Variants in EXOC5 observed in about 807,000 individuals in gnomAD.
The protein encoded by EXOC5 is SEC10-like 1.
Under a neutral mutation model 90.8 loss-of-function variants are expected in EXOC5, and 17 were observed. The observed-to-expected ratio is 0.19, with a 90% confidence interval of 0.13 to 0.28. EXOC5 has a LOEUF of 0.28. Among genes scored for constraint, EXOC5 ranks in the 10% least tolerant of loss-of-function variants. EXOC5 has a pLI of 1.00. For missense variants in EXOC5, 569 were observed against 830.6 expected (o/e 0.69, Z 3.87); for synonymous variants, 260 against 270.0 (o/e 0.96, Z 0.36).
intron 1 of EXOC5, among the ~76,000 whole-genome samples, chr14:57,265,564 A>C (rs1884646974): frequency 6.6e-6 from 1 of 152,136 alleles, no homozygotes; most frequent in African/African-American, 2.4e-5. Context: ...TTCTGCAAAA[A>C]ATTTTTAAAA....
At chr14:57,226,939 A>AATC (rs1883325180) in intron 12 of EXOC5, among the ~76,000 whole-genome samples, 1 of 152,122 alleles carries the variant, frequency 6.6e-6, no homozygotes, top group African/African-American at 2.4e-5. Flanking sequence ...ATGACACCAA[A>AATC]ATCACCATCC....
chr14:57,252,593 C>A (rs1400618661), intron 1 of EXOC5, among the ~76,000 whole-genome samples: 1 of 152,108 alleles, frequency 6.6e-6, no homozygotes, highest in Non-Finnish European at 1.5e-5. Context: ...AAGGTATCAC[C>A]TCACACCTAT....
Position 57,231,518 on chromosome 14 carries a change from A to G in EXOC5, c.1136T>C (p.Ile379Thr). 3.1e-6 allele frequency: 5 copies of G among 1,608,922 alleles called. No homozygotes were observed. The highest frequency in any genetic ancestry group is 4.2e-6 in the Non-Finnish European group (5 of 1,178,518). The change falls in exon 11 of 18, where the codon ATT (isoleucine) becomes ACT (threonine). Residue 379 changes from isoleucine (I) to threonine (T), a missense_variant. By Grantham distance (89) the Ile-to-Thr change is moderately conservative (BLOSUM62 -1). Around this residue, in one of 9 missense-constraint regions of EXOC5, gnomAD observed 69 missense variants for 115.5 expected, o/e 0.60. Transcript: ENST00000621441. ...CAAAAATACTCACCCTCCTGTGCCA[A>G]TGGATCTCTTTTGATGGTTTTTCGA... is the stretch of plus-strand genomic sequence containing the variant. ...YDSKNHQKRS[I>T]GTGGIQDLKE...
At chr14:57,263,739 T>TAAAAAAAAAAAAAAAAA (rs550651836) in intron 1 of EXOC5, among the ~76,000 whole-genome samples, 1 of 39,354 alleles carries the variant, frequency 2.5e-5, no homozygotes, top group Admixed American at 2.8e-4. Flanking sequence ...CACTCCAGCC[T>TAAAAAAAAAAAAAAAAA]AAAAAAAAAA....
Position 57,227,947 on chromosome 14 carries a change from C to T in EXOC5, c.1296+1787G>A, listed in dbSNP as rs58463651. Among the ~76,000 whole-genome samples, 195 of 89,530 alleles carry T rather than the reference C, an allele frequency of 2.2e-3. No individual in the cohort carries two copies. In the African/African-American group the frequency reaches 0.022, roughly 10 times the overall value. 58.7% of individuals were successfully genotyped at this position (89,530 alleles called of 152,430 possible). On this transcript the variant is annotated intron_variant, in intron 12 of 17. Coordinates refer to ENST00000621441, the MANE Select transcript of EXOC5 (RefSeq NM_006544.4). ...ATAAGTTTACATACATATATATATA[C>T]ACACACACACACACACACACACACA...
At chr14:57,266,410 T>C (rs963558722) in intron 1 of EXOC5, among the ~76,000 whole-genome samples, 1 of 152,190 alleles carries the variant, frequency 6.6e-6, no homozygotes, top group East Asian at 1.9e-4. Context: ...TAGAGTCCAC[T>C]GTAGGGCTGG....
Position 57,220,032 on chromosome 14 carries a change from G to A in EXOC5, c.1406-590C>T, listed in dbSNP as rs1471016829. Among the ~76,000 whole-genome samples the A allele has an allele frequency of 5.9e-5, 9 of 152,216 alleles. No individual in the cohort carries two copies. The South Asian group carries it at 1.4e-3, about 25-fold the overall frequency. ...TTCCTCCTTTTTGTAAAGAATAACA[G>A]ATGAACTCTAAGGTCCTAGATGTTT... On this transcript the variant is annotated intron_variant, in intron 13 of 17. Coordinates refer to ENST00000621441, the MANE Select transcript of EXOC5 (RefSeq NM_006544.4).
intron 11 of EXOC5, among the ~76,000 whole-genome samples, chr14:57,230,399 G>C (rs755766819): frequency 2.7e-5 from 4 of 150,632 alleles, no homozygotes; most frequent in Non-Finnish European, 5.9e-5. Flanking sequence ...TTTGCTCTTA[G>C]GATATGTAAC....
intron 1 of EXOC5, among the ~76,000 whole-genome samples, chr14:57,262,302 TG>T (rs1566507950): frequency 6.6e-6 from 1 of 152,094 alleles, no homozygotes. Flanking sequence ...ATTTTACAGA[TG>T]AGAAAACTGA....
intron 1 of EXOC5, among the ~76,000 whole-genome samples, chr14:57,263,880 A>G (rs1884592453): frequency 6.6e-6 from 1 of 152,034 alleles, no homozygotes; most frequent in South Asian, 2.1e-4. Flanking sequence ...TCACCTTACA[A>G]CAAACTGGAG....
At chr14:57,223,880 G>T (rs770585580) in intron 12 of EXOC5, among the ~76,000 whole-genome samples, 1 of 151,698 alleles carries the variant, frequency 6.6e-6, no homozygotes, top group Non-Finnish European at 1.5e-5. Context: ...TGACCACAAC[G>T]GAATCAAATT....
chr14:57,268,351 C>G (rs902043839), intron 1 of EXOC5: 1 of 826,462 alleles, frequency 1.2e-6, no homozygotes, highest in Non-Finnish European at 1.8e-6. Context: ...TCCCTCTTGC[C>G]CCCACAAACA....
chr14:57,235,663 A>C (rs1941736094), intron 7 of EXOC5, 48 bp downstream of exon 7: 4 of 948,778 alleles, frequency 4.2e-6, no homozygotes, highest in Non-Finnish European at 5.0e-6. Flanking sequence ...GAACTTACGT[A>C]ATTTCCATAG....
chr14:57,232,675 C>T lies in EXOC5; in HGVS notation c.930G>A (p.Leu310=), dbSNP rs547187143. ...AATCATTAAAAATTTACCTTGTATA[C>T]AGATCATAGAGATTTTTGAGATATT... The part of the protein sequence containing the change: ...AEQYLKNLYD[L]YTRTTNLSSK... Residue 310 remains leucine, a synonymous_variant, in exon 10 of 18, where the codon CTG becomes CTA. Coordinates refer to ENST00000621441, the MANE Select transcript of EXOC5 (RefSeq NM_006544.4). 20 of 1,409,978 alleles carry T rather than the reference C, an allele frequency of 1.4e-5. No individual in the cohort carries two copies. Among genetic ancestry groups the T allele is most frequent in the East Asian group, 2.4e-5 (1 of 42,456 alleles). 87.3% of individuals were successfully genotyped at this position (1,409,978 alleles called of 1,614,324 possible).
chr14:57,259,657 C>T (rs1428494603), intron 1 of EXOC5, among the ~76,000 whole-genome samples: 1 of 152,172 alleles, frequency 6.6e-6, no homozygotes, highest in Non-Finnish European at 1.5e-5. Context: ...TGAAGGGTTC[C>T]TTCCTTACAT....
chr14:57,257,943 T>C (rs1594683167), intron 1 of EXOC5, among the ~76,000 whole-genome samples: 1 of 152,320 alleles, frequency 6.6e-6, no homozygotes, highest in East Asian at 1.9e-4. Context: ...CACTTTGTTT[T>C]GCTATAGTAA....
intron 5 of EXOC5, 85 bp downstream of exon 5, chr14:57,239,510 C>A: frequency 1.2e-6 from 1 of 805,856 alleles, no homozygotes; most frequent in South Asian, 1.7e-5. Context: ...AATTAATGGG[C>A]AAAGAAAATC....
chr14:57,221,146 T>C lies in EXOC5; in HGVS notation c.1405+1162A>G, dbSNP rs145053811. 4.2e-3 allele frequency among the ~76,000 whole-genome samples: 641 copies of C among 152,254 alleles called. 9 individuals carry two copies. Among genetic ancestry groups the C allele is most frequent in the Middle Eastern group, 0.031 (9 of 294 alleles). On this transcript the variant is annotated intron_variant, in intron 13 of 17. Coordinates refer to ENST00000621441, the MANE Select transcript of EXOC5 (RefSeq NM_006544.4). ...GATCAGCAATGCCTCTCTGAGAAGA[T>C]AACATCTTAGTTGAGATCAGATGAT...
At position 57,207,238 on chromosome 14, in the gene EXOC5, G is replaced by T. The variant is rs1447179167; in HGVS notation, c.*1371C>A. 6.6e-6 allele frequency: 1 copy of T among 152,372 alleles called. No homozygotes were observed. The highest frequency in any genetic ancestry group is 2.4e-5 in the African/African-American group (1 of 41,388). 9.4% of individuals were successfully genotyped at this position (152,372 alleles called of 1,614,324 possible). A position where few individuals can be genotyped will look rare whatever the true frequency, so the allele number is the denominator to read the frequency against. The stretch of plus-strand genomic sequence containing the variant: ...GTAAAGTTGATGACATTCAGAATAA[G>T]GTTCTCAGAAGAAAAGCAGTTTTCC... On this transcript the variant is annotated 3_prime_UTR_variant, in exon 18 of 18. Transcript: ENST00000621441.
Sources: gnomAD v4.1 joint callset for allele counts (sites outside exome capture counted in the v4.1 genomes callset) on GRCh38, gnomAD v4.1.1 for gene constraint, gnomAD v4.1.1 regional missense constraint, MANE v1.5 for transcripts, NCBI Gene and HGNC (gene_info 2026-07-23, HGNC 2026-07-21) for gene names.